Variants in TDRD3 observed in about 807,000 individuals in gnomAD.
TDRD3 encodes the protein tudor domain-containing protein 3.
TDRD3 carries 45 observed loss-of-function variants against 86.7 expected under a neutral mutation model. The observed-to-expected ratio is 0.52, with a 90% CI of 0.41 to 0.67. The LOEUF is 0.67. TDRD3 is among the 30% of genes least tolerant of loss of function. The probability of loss-of-function intolerance (pLI) is 0.00; values close to 1 mark genes in which losing one functional copy is unlikely to be tolerated. For missense variants in TDRD3, 814 were observed against 889.0 expected (o/e 0.92, Z 1.07); for synonymous variants, 298 against 301.7 (o/e 0.99, Z 0.13).
chr13:60,400,924 C>T (rs879553244), intron 1 of TDRD3, among the ~76,000 whole-genome samples: 46 of 152,222 alleles, frequency 3.0e-4, no homozygotes, highest in African/African-American at 1.1e-3. Flanking sequence ...CAAAAATTAA[C>T]AGAAGTGACC....
chr13:60,397,726 A>T (rs1056824047), intron 1 of TDRD3, among the ~76,000 whole-genome samples: 8 of 150,882 alleles, frequency 5.3e-5, no homozygotes, highest in Admixed American at 5.3e-4. Flanking sequence ...GGCCGACCGG[A>T]GCGCCGGGGA....
At chr13:60,400,373 A>T (rs754522441) in intron 1 of TDRD3, among the ~76,000 whole-genome samples, 24 of 152,278 alleles carry the variant, frequency 1.6e-4, no homozygotes, top group Non-Finnish European at 2.8e-4. Flanking sequence ...TTTCTCTTCC[A>T]TCTCCTCCTT....
chr13:60,563,924 A>G (rs1288071503), intron 12 of TDRD3, among the ~76,000 whole-genome samples: 2 of 152,236 alleles, frequency 1.3e-5, no homozygotes, highest in African/African-American at 2.4e-5. Context: ...ACGCAGTTGT[A>G]ACTTGTCAAA....
At chr13:60,563,222 C>T (rs1958376653) in intron 12 of TDRD3, among the ~76,000 whole-genome samples, 1 of 132,154 alleles carries the variant, frequency 7.6e-6, no homozygotes, top group Non-Finnish European at 1.6e-5. Context: ...AGCAAGACTC[C>T]ATATCAATTT....
chr13:60,460,748 T>A, intron 4 of TDRD3: 1 of 392,362 alleles, frequency 2.5e-6, no homozygotes, highest in Non-Finnish European at 4.3e-6. Context: ...CTCAAGCCTG[T>A]AATCCCAGCA....
rs1595045176 is a variant in TDRD3, at chr13:60,509,632, T to G, written c.859-131T>G. ...CTCTTGTAAAAAATCAGCAAGAGAA[T>G]GTTGTATTAGAATGACATTTTTACA... On this transcript the variant is annotated intron_variant, in intron 8 of 13. Coordinates refer to ENST00000377881, the MANE Select transcript of TDRD3 (RefSeq NM_001146070.2). 11 of 1,122,848 alleles carry G rather than the reference T, an allele frequency of 9.8e-6. No individual in the cohort carries two copies. The East Asian group carries it at 2.6e-4, about 27-fold the overall frequency. 69.6% of individuals were successfully genotyped at this position (1,122,848 alleles called of 1,614,324 possible).
At chr13:60,416,283 A>G (rs1354827676) in intron 1 of TDRD3, among the ~76,000 whole-genome samples, 1 of 147,332 alleles carries the variant, frequency 6.8e-6, no homozygotes, top group Non-Finnish European at 1.5e-5. Context: ...ATTTCTAATG[A>G]GATTTTTTTT....
intron 3 of TDRD3, among the ~76,000 whole-genome samples, chr13:60,445,050 C>A (rs562588008): frequency 6.6e-6 from 1 of 152,036 alleles, no homozygotes; most frequent in East Asian, 1.9e-4. Context: ...ATGACCTTTT[C>A]TTACCTTTCA....
At chr13:60,484,610 ACT>A (rs974345788) in intron 6 of TDRD3, 3 of 420,938 alleles carry the variant, frequency 7.1e-6, no homozygotes, top group African/African-American at 6.3e-5. Flanking sequence ...TGTAAGATAT[ACT>A]CTCACTTAAA....
At chr13:60,541,745 T>TTTTTTTTTTTTTTC (rs1957818014) in intron 12 of TDRD3, among the ~76,000 whole-genome samples, 1 of 136,154 alleles carries the variant, frequency 7.3e-6, no homozygotes, top group Non-Finnish European at 1.6e-5. Context: ...TTTTTTTTTT[T>TTTTTTTTTTTTTTC]TGAGACGGAG....
At chr13:60,467,116 T>TTC in intron 4 of TDRD3, 122 bp from the exon 5 acceptor site, 1 of 1,145,632 alleles carries the variant, frequency 8.7e-7, no homozygotes, top group Non-Finnish European at 1.2e-6. Context: ...TTAGCTGTTT[T>TTC]TCCTAATGCT....
At chr13:60,478,470 A>G (rs1197316391) in intron 5 of TDRD3, among the ~76,000 whole-genome samples, 1 of 151,630 alleles carries the variant, frequency 6.6e-6, no homozygotes, top group Admixed American at 6.6e-5. Context: ...ACATGTGGCT[A>G]ATTTTGGCAT....
chr13:60,463,362 CAAAAA>C (rs57195209), intron 4 of TDRD3, among the ~76,000 whole-genome samples: 2 of 81,538 alleles, frequency 2.5e-5, no homozygotes, highest in Non-Finnish European at 2.2e-5. Flanking sequence ...AATTCTGGCT[CAAAAA>C]AAAAAAAAAA....
intron 8 of TDRD3, among the ~76,000 whole-genome samples, chr13:60,495,595 C>T (rs1956695402): frequency 6.6e-6 from 1 of 152,010 alleles, no homozygotes; most frequent in Non-Finnish European, 1.5e-5. Context: ...TCTTGAGTAG[C>T]TGGGATTATA....
At chr13:60,504,980 G>A (rs1956905718) in intron 8 of TDRD3, among the ~76,000 whole-genome samples, 2 of 152,208 alleles carry the variant, frequency 1.3e-5, no homozygotes, top group South Asian at 4.1e-4. Context: ...CATGCCACCA[G>A]GACCCTGGGT....
At chr13:60,502,372 C>A (rs537712205) in intron 8 of TDRD3, among the ~76,000 whole-genome samples, 3 of 152,156 alleles carry the variant, frequency 2.0e-5, no homozygotes, top group Non-Finnish European at 4.4e-5. Context: ...AATTTAATGA[C>A]AAATGTATAA....
intron 8 of TDRD3, among the ~76,000 whole-genome samples, chr13:60,501,685 T>A (rs533730587): frequency 2.3e-4 from 35 of 152,308 alleles, no homozygotes; most frequent in African/African-American, 8.2e-4. Flanking sequence ...CCCCAAACCA[T>A]CCACAAAATG....
Position 60,561,238 on chromosome 13 carries a change from T to C in TDRD3, c.2119-6287T>C, listed in dbSNP as rs117707956. Among the ~76,000 whole-genome samples, 682 of 152,296 alleles carry C rather than the reference T, an allele frequency of 4.5e-3. 6 individuals carry two copies. The highest frequency in any genetic ancestry group is 0.01 in the Middle Eastern group (3 of 294). ...TAATTATAAAATGAGACATTTAATT[T>C]ATAGGAGTCAAGTATAGGGTTTAAA... On this transcript the variant is annotated intron_variant, in intron 12 of 13. Transcript: ENST00000377881.
intron 6 of TDRD3, among the ~76,000 whole-genome samples, 188 bp downstream of exon 6, chr13:60,484,034 G>A (rs1470918002): frequency 5.9e-5 from 9 of 151,984 alleles, no homozygotes; most frequent in Non-Finnish European, 1.0e-4. Flanking sequence ...TGACGTTTGC[G>A]AGAGCTGTTA....
Sources: allele counts gnomAD v4.1 joint callset (sites outside exome capture counted in the v4.1 genomes callset), GRCh38; gene constraint gnomAD v4.1.1; transcripts MANE v1.5; gene names NCBI Gene and HGNC (gene_info 2026-07-23, HGNC 2026-07-21).